Variants in MYO10 observed in about 807,000 individuals in gnomAD.
MYO10 encodes unconventional myosin-X.
MYO10 carries 133 observed loss-of-function variants against 257.3 expected under a neutral mutation model. That is an observed-to-expected ratio of 0.52 (90% CI 0.45 to 0.60). The LOEUF is 0.60. Ranked by LOEUF, MYO10 falls within the 20% of genes least tolerant of loss-of-function variation. The probability of loss-of-function intolerance (pLI) is 0.00; values close to 1 mark genes in which losing one functional copy is unlikely to be tolerated. For missense variants in MYO10, 2,399 were observed against 2,635.7 expected (o/e 0.91, Z 1.97); for synonymous variants, 1,104 against 1,028.6 (o/e 1.07, Z -1.40).
intron 4 of MYO10, among the ~76,000 whole-genome samples, chr5:16,790,152 A>G (rs1741710594): frequency 6.6e-6 from 1 of 151,950 alleles, no homozygotes; most frequent in Non-Finnish European, 1.5e-5. Flanking sequence ...CAAACACTCA[A>G]TTACCAGTCC....
chr5:16,920,051 C>T (rs763927864), intron 1 of MYO10, among the ~76,000 whole-genome samples: 22 of 152,188 alleles, frequency 1.4e-4, no homozygotes, highest in East Asian at 1.2e-3. Context: ...GCGGAGACTG[C>T]GGTAAGCTGA....
intron 1 of MYO10, among the ~76,000 whole-genome samples, chr5:16,913,055 T>C (rs745615029): frequency 2.6e-5 from 4 of 151,374 alleles, no homozygotes; most frequent in Non-Finnish European, 4.4e-5. Flanking sequence ...AAAAGGAGCT[T>C]ACATTTCTCT....
intron 2 of MYO10, among the ~76,000 whole-genome samples, chr5:16,844,046 G>A (rs1227047799): frequency 6.6e-6 from 1 of 152,144 alleles, no homozygotes; most frequent in South Asian, 2.1e-4. Context: ...GGGTTGTCCC[G>A]TCACTCATGA....
At chr5:16,672,070 G>A (rs752260444) in intron 37 of MYO10, among the ~76,000 whole-genome samples, 18 of 152,120 alleles carry the variant, frequency 1.2e-4, no homozygotes, top group Non-Finnish European at 2.2e-4. Flanking sequence ...CCAGGTGGGC[G>A]GATCACCTGA....
At chr5:16,738,328 G>T (rs1739886607) in intron 19 of MYO10, 4 of 985,366 alleles carry the variant, frequency 4.1e-6, no homozygotes, top group Non-Finnish European at 4.8e-6. Context: ...GGGATTAAGA[G>T]GCAGGGCAGA....
At position 16,763,607 on chromosome 5, in the gene MYO10, T is replaced by C. The variant is rs373689979; in HGVS notation, c.1427+48A>G. ...AAACATAGCTTCAAAACGAATCTAG[T>C]TGCTGCTTTAAAAAAAAAAATTGAA... On this transcript the variant is annotated intron_variant, in intron 13 of 40. Coordinates refer to ENST00000513610, the MANE Select transcript of MYO10 (RefSeq NM_012334.3). The C allele has an allele frequency of 6.3e-6, 10 of 1,581,492 alleles. No homozygotes were observed. The African/African-American group carries it at 1.2e-4, about 19-fold the overall frequency.
At position 16,729,453 on chromosome 5, in the gene MYO10, A is replaced by T. The variant is rs377091081; in HGVS notation, c.1930-18208T>A. Reference sequence around the variant, plus strand: ...CTCTTCATCTAAAGTTGTATTTTCTATTTTTTTTTTTTTTTTGAGACGGAG... The same window carrying T: ...CTCTTCATCTAAAGTTGTATTTTCTTTTTTTTTTTTTTTTTTGAGACGGAG... On this transcript the variant is annotated intron_variant, in intron 19 of 40. Coordinates refer to ENST00000513610, the MANE Select transcript of MYO10 (RefSeq NM_012334.3). Among the ~76,000 whole-genome samples the T allele has an allele frequency of 9.6e-3, 1,333 of 138,140 alleles. 10 individuals are homozygous for T. Among genetic ancestry groups the T allele is most frequent in the African/African-American group, 0.033 (1,239 of 37,698 alleles). The allele number at this position is 138,140 out of a possible 152,430, so 90.6% of individuals were successfully genotyped here. A position where few individuals can be genotyped will look rare whatever the true frequency, so the allele number is the denominator to read the frequency against.
chr5:16,754,487 CCACCA>C (rs1740472860), intron 19 of MYO10, among the ~76,000 whole-genome samples: 1 of 151,464 alleles, frequency 6.6e-6, no homozygotes, highest in Non-Finnish European at 1.5e-5. Context: ...AAAAAATCAG[CCACCA>C]CACATCAAAT....
chr5:16,925,450 A>G (rs984064946), intron 1 of MYO10, among the ~76,000 whole-genome samples: 1 of 152,156 alleles, frequency 6.6e-6, no homozygotes. Context: ...CCCAGGCAAC[A>G]GAGTAAGTAA....
intron 17 of MYO10, among the ~76,000 whole-genome samples, chr5:16,758,902 AG>A (rs1314989924): frequency 6.6e-6 from 1 of 151,656 alleles, no homozygotes; most frequent in Non-Finnish European, 1.5e-5. Context: ...ACTATTAACA[AG>A]GTAAAAGTGA....
intron 2 of MYO10, among the ~76,000 whole-genome samples, chr5:16,820,889 T>C (rs1742778803): frequency 6.7e-6 from 1 of 148,928 alleles, no homozygotes; most frequent in South Asian, 2.1e-4. Context: ...ACATCTTATA[T>C]GTAATACATA....
intron 19 of MYO10, among the ~76,000 whole-genome samples, chr5:16,736,362 G>A (rs1389420093): frequency 6.6e-6 from 1 of 152,196 alleles, no homozygotes; most frequent in Non-Finnish European, 1.5e-5. Flanking sequence ...CCAGATAGCA[G>A]GAGCAACTGA....
rs1561000796 is a variant in MYO10, at chr5:16,818,392, G to GTA, written c.121-226_121-225insTA. Among the ~76,000 whole-genome samples, 177 of 104,932 alleles carry GTA rather than the reference G, an allele frequency of 1.7e-3. 1 individual carries two copies. Among genetic ancestry groups the GTA allele is most frequent in the African/African-American group, 6.2e-3 (171 of 27,578 alleles). 68.8% of individuals were successfully genotyped at this position (104,932 alleles called of 152,430 possible). On this transcript the variant is annotated intron_variant, in intron 2 of 40. Coordinates refer to ENST00000513610, the MANE Select transcript of MYO10 (RefSeq NM_012334.3). ...TGTGTGTGTGTGTGCGTGTGTGTGT[G>GTA]TGTGTGTGTGTGTGTGTGTATATAT...
chr5:16,703,687 T>C (rs1315858560), intron 22 of MYO10, among the ~76,000 whole-genome samples: 1 of 151,768 alleles, frequency 6.6e-6, no homozygotes, highest in Non-Finnish European at 1.5e-5. Context: ...ATCGAGACCA[T>C]CCTGGCCAAC....
chr5:16,853,577 A>C (rs1743874600), intron 2 of MYO10, among the ~76,000 whole-genome samples: 1 of 152,178 alleles, frequency 6.6e-6, no homozygotes, highest in African/African-American at 2.4e-5. Flanking sequence ...CATGAGGAAA[A>C]TGATCCCTGG....
At position 16,766,176 on chromosome 5, in the gene MYO10, T is replaced by C. The variant is rs753323190; in HGVS notation, c.1083A>G (p.Leu361=). The C allele has an allele frequency of 9.3e-6, 15 of 1,613,682 alleles. No individual in the cohort carries two copies. In the South Asian group the frequency reaches 1.3e-4, roughly 14 times the overall value. ...FKTALGRSAE[L]LGLDPTQLTD... ...TGAGCTGTGTTGGGTCCAGCCCAAG[T>C]AACTCCGCAGATCTGCCCAAAGCTG... The change falls in exon 11 of 41, where the codon TTA becomes TTG. Residue 361 remains leucine, a synonymous_variant. Transcript: ENST00000513610.
intron 2 of MYO10, among the ~76,000 whole-genome samples, chr5:16,830,278 T>C (rs1743125697): frequency 6.6e-6 from 1 of 152,020 alleles, no homozygotes; most frequent in African/African-American, 2.4e-5. Context: ...TGTATTTATA[T>C]GTAAGGTCAG....
intron 3 of MYO10, chr5:16,815,172 C>T: frequency 3.1e-6 from 1 of 325,856 alleles, no homozygotes; most frequent in Non-Finnish European, 5.5e-6. Flanking sequence ...CAAAAAAAAA[C>T]AAACTTGTGT....
intron 29 of MYO10, 100 bp downstream of exon 29, chr5:16,685,638 T>A (rs1418455751): frequency 9.1e-6 from 8 of 875,944 alleles, no homozygotes; most frequent in Non-Finnish European, 1.4e-5. Context: ...AAAAAAAGAC[T>A]GTCTGGAAAT....
Sources: allele counts gnomAD v4.1 joint callset (sites outside exome capture counted in the v4.1 genomes callset), GRCh38; gene constraint gnomAD v4.1.1; transcripts MANE v1.5; gene names NCBI Gene and HGNC (gene_info 2026-07-23, HGNC 2026-07-21).